CCDC28A: variants seen among roughly 807,000 people sequenced by gnomAD.
The protein encoded by CCDC28A is coiled-coil domain-containing protein 28A.
CCDC28A carries 24 observed loss-of-function variants against 22.1 expected under a neutral mutation model. The ratio of observed to expected loss-of-function variants is 1.09; its 90% CI spans 0.79 to 1.53. The LOEUF (loss-of-function observed/expected upper bound fraction) is 1.53. Among genes scored for constraint, CCDC28A ranks in the 40% most tolerant of loss-of-function variants. The probability of loss-of-function intolerance (pLI) is 0.00; values close to 1 mark genes in which losing one functional copy is unlikely to be tolerated. For synonymous variants in CCDC28A, 83 were observed against 74.7 expected, an observed-to-expected ratio of 1.11 and a Z score of -0.57; for missense variants, 170 against 210.7, an observed-to-expected ratio of 0.81 and a Z score of 1.20.
chr6:138,778,198 A>T (rs1562438479), intron 2 of CCDC28A, among the ~76,000 whole-genome samples: 1 of 151,994 alleles, frequency 6.6e-6, no homozygotes, highest in Non-Finnish European at 1.5e-5. Context: ...TATTTATCTT[A>T]TTGTGGTGAG....
chr6:138,789,054 A>G (rs1175184419), intron 5 of CCDC28A, among the ~76,000 whole-genome samples: 1 of 152,196 alleles, frequency 6.6e-6, no homozygotes. Context: ...GTGAAATGAC[A>G]TTTCACAATT....
chr6:138,791,172 C>A (rs1436928463), intron 5 of CCDC28A, among the ~76,000 whole-genome samples: 1 of 152,262 alleles, frequency 6.6e-6, no homozygotes, highest in East Asian at 1.9e-4. Context: ...GCAGCCTCAA[C>A]TTCCTGGGCT....
At chr6:138,790,290 A>G (rs1257341978) in intron 5 of CCDC28A, among the ~76,000 whole-genome samples, 5 of 152,078 alleles carry the variant, frequency 3.3e-5, no homozygotes, top group African/African-American at 4.8e-5. Flanking sequence ...AGCTGGGATT[A>G]CAGGTACCTG....
rs1048844452 is a variant in CCDC28A at position 138,792,756 on chromosome 6, C to T, written c.508C>T (p.Leu170Phe). 5 of 1,602,824 alleles carry T rather than the reference C, an allele frequency of 3.1e-6. No individual in the cohort carries two copies. The African/African-American group carries it at 4.0e-5, about 13-fold the overall frequency. Reference protein sequence around the residue: ...LEELNSSIQKLHLADAQDVPN... With the variant: ...LEELNSSIQKFHLADAQDVPN... ...CTTAACTGATTAATTCAGACAAAAA[C>T]TCCATTTGGCAGATGCACAAGATGT... is the stretch of plus-strand genomic sequence containing the variant. The change falls in exon 6 of 6, where the codon CTC becomes TTC. Residue 170 changes from leucine (L) to phenylalanine (F), a missense_variant. Physicochemically the swap from Leu to Phe is conservative, Grantham distance 22. Transcript: ENST00000617445.
chr6:138,773,938 C>G (rs750606078), intron 1 of CCDC28A, 36 bp downstream of exon 1: 1 of 1,603,674 alleles, frequency 6.2e-7, no homozygotes, highest in African/African-American at 1.3e-5. Context: ...CCGCAACCTG[C>G]CCCTTTAGGC....
intron 3 of CCDC28A, among the ~76,000 whole-genome samples, chr6:138,783,924 T>C (rs1449321939): frequency 7.0e-6 from 1 of 142,140 alleles, no homozygotes; most frequent in Admixed American, 7.4e-5. Context: ...TTACTCAGGG[T>C]GGAGTGCAGT....
At chr6:138,786,457 T>G (rs569929268) in intron 4 of CCDC28A, among the ~76,000 whole-genome samples, 3 of 152,358 alleles carry the variant, frequency 2.0e-5, no homozygotes, top group Admixed American at 1.3e-4. Flanking sequence ...GATTCCCTAT[T>G]AACTATTGAC....
In CCDC28A at chr6:138,791,206, C is replaced by T. The variant is rs147400499; in HGVS notation, c.501-1543C>T. On this transcript the variant is annotated intron_variant, in intron 5 of 5. Transcript: ENST00000617445. ...CTCAGTTGATCTCCCACCTCAGCCT[C>T]CTGAGTAGCTGGGACTACAGGTGTA... Among the ~76,000 whole-genome samples the T allele has an allele frequency of 2.1e-3, 315 of 152,104 alleles. 1 individual carries two copies. Among genetic ancestry groups the T allele is most frequent in the African/African-American group, 7.3e-3 (303 of 41,508 alleles).
At chr6:138,776,783 G>A (rs571347494) in intron 2 of CCDC28A, among the ~76,000 whole-genome samples, 26 of 151,930 alleles carry the variant, frequency 1.7e-4, no homozygotes, top group Non-Finnish European at 3.2e-4. Flanking sequence ...TCTTCTGAGG[G>A]GCTGTGACTG....
intron 5 of CCDC28A, among the ~76,000 whole-genome samples, chr6:138,790,728 G>C (rs1775158665): frequency 6.6e-6 from 1 of 152,108 alleles, no homozygotes; most frequent in Non-Finnish European, 1.5e-5. Context: ...TGTTAATTCA[G>C]TCTCCAAGAA....
intron 2 of CCDC28A, among the ~76,000 whole-genome samples, 175 bp from the exon 3 acceptor site, chr6:138,779,647 G>A (rs548403254): frequency 6.6e-6 from 1 of 152,124 alleles, no homozygotes; most frequent in African/African-American, 2.4e-5. Context: ...TTTGTTTGAG[G>A]TTTTTCACAA....
chr6:138,776,295 T>C lies in CCDC28A; in HGVS notation c.158+17T>C, dbSNP rs1450274111. On this transcript the variant is annotated intron_variant, in intron 2 of 5. Transcript: ENST00000617445. ...GTTAAAAAGGTGAATTCTTTTATTT[T>C]ACATGTTCACAGTAAAATGCCATTA... The C allele has an allele frequency of 1.0e-5, 16 of 1,587,412 alleles. No individual in the cohort carries two copies. Among genetic ancestry groups the C allele is most frequent in the Non-Finnish European group, 1.3e-5 (15 of 1,155,812 alleles).
rs1429531918 is a variant in CCDC28A at position 138,786,293 on chromosome 6, G to T, written c.477+912G>T. ...CTACTCACATTCTGAGATACTGGGG[G>T]TGAGGACTAAGACATGAATTTTGGA... is the stretch of plus-strand genomic sequence containing the variant. On this transcript the variant is annotated intron_variant, in intron 4 of 5. Coordinates refer to ENST00000617445, the MANE Select transcript of CCDC28A (RefSeq NM_015439.3). Among the ~76,000 whole-genome samples the T allele has an allele frequency of 2.6e-5, 4 of 152,158 alleles. No homozygotes were observed. The East Asian group carries it at 7.7e-4, about 29-fold the overall frequency.
At chr6:138,788,689 A>G (rs1292472068) in intron 5 of CCDC28A, among the ~76,000 whole-genome samples, 1 of 142,660 alleles carries the variant, frequency 7.0e-6, no homozygotes, top group Non-Finnish European at 1.5e-5. Context: ...CGATCTTCCC[A>G]CTTCAGCCTC....
chr6:138,778,654 A>G (rs1774972317), intron 2 of CCDC28A, among the ~76,000 whole-genome samples: 1 of 152,206 alleles, frequency 6.6e-6, no homozygotes, highest in Non-Finnish European at 1.5e-5. Context: ...ACGTAAGAAG[A>G]TAAGATAATG....
chr6:138,783,071 G>C (rs566519138), intron 3 of CCDC28A, among the ~76,000 whole-genome samples: 2 of 151,944 alleles, frequency 1.3e-5, no homozygotes. Context: ...GAGGACTCTT[G>C]GTCAATATGT....
Position 138,785,325 on chromosome 6 carries a change from C to A in CCDC28A, c.421C>A (p.Pro141Thr). ...GCTCTATGGGGAGTTAGAGGAACTT[C>A]CTGAGGATAAGAGAAAAACAGCCAG... ...LELYGELEEL[P>T]EDKRKTASDS... The change falls in exon 4 of 6, where the codon CCT (proline) becomes ACT (threonine). Residue 141 changes from proline to threonine, a missense_variant. Physicochemically the swap from Pro to Thr is conservative, Grantham distance 38 (BLOSUM62 -1). Coordinates refer to ENST00000617445, the MANE Select transcript of CCDC28A (RefSeq NM_015439.3). 2 of 1,613,406 alleles carry A rather than the reference C, an allele frequency of 1.2e-6. No individual in the cohort carries two copies. The highest frequency in any genetic ancestry group is 8.5e-7 in the Non-Finnish European group (1 of 1,179,456).
At chr6:138,775,887 T>C (rs1774923255) in intron 1 of CCDC28A, among the ~76,000 whole-genome samples, 192 bp from the exon 2 acceptor site, 1 of 151,706 alleles carries the variant, frequency 6.6e-6, no homozygotes, top group Non-Finnish European at 1.5e-5. Context: ...AAAAACTGTC[T>C]ACCAGACAAT....
intron 3 of CCDC28A, among the ~76,000 whole-genome samples, chr6:138,784,529 T>TA (rs1308608403): frequency 1.3e-5 from 2 of 151,920 alleles, no homozygotes; most frequent in Non-Finnish European, 2.9e-5. Context: ...GCGTGTTTTT[T>TA]AAAAAATTTT....
Sources: gnomAD v4.1 joint callset for allele counts (sites outside exome capture counted in the v4.1 genomes callset) on GRCh38, gnomAD v4.1.1 for gene constraint, MANE v1.5 for transcripts, NCBI Gene and HGNC (gene_info 2026-07-23, HGNC 2026-07-21) for gene names.